The following GEMIN8 variants were observed in gnomAD, a reference collection of about 807,000 sequenced individuals.
GEMIN8 encodes the protein gem-associated protein 8.
For synonymous variants in GEMIN8, 80 were observed against 78.5 expected (o/e 1.02, Z -0.10); for missense variants, 185 against 205.9 (o/e 0.90, Z 0.62).
intron 2 of GEMIN8, chrX:14,025,938 G>T: frequency 3.1e-6 from 1 of 321,145 alleles, no homozygotes; most frequent in Non-Finnish European, 4.1e-6. Flanking sequence ...TTTTAAGCTG[G>T]TTATTTTCTT....
At chrX:14,012,404 G>A (rs1413192371) in intron 4 of GEMIN8, among the ~76,000 whole-genome samples, 1 of 110,671 alleles carries the variant, frequency 9.0e-6, no homozygotes, top group Admixed American at 9.6e-5. Context: ...AATTACAGGC[G>A]TAAAGCCACC....
the GEMIN8 span, among the ~76,000 whole-genome samples, chrX:13,987,748 G>A: frequency 8.9e-6 from 1 of 112,012 alleles, no homozygotes; most frequent in Admixed American, 9.5e-5. Flanking sequence ...GGCCCATGTT[G>A]TAGAAGGCTT....
At chrX:13,988,872 A>C in the GEMIN8 span, 1 of 106,162 alleles carries the variant, frequency 9.4e-6, no homozygotes, top group Non-Finnish European at 1.9e-5. Flanking sequence ...TCAAAGTTGG[A>C]AAATGTTCAA....
rs911192397 is a variant in GEMIN8 at position 14,008,645 on chromosome X, G to A, written c.*268C>T. 1 of 371,238 alleles carries A rather than the reference G, an allele frequency of 2.7e-6. No homozygotes were observed. Among genetic ancestry groups the A allele is most frequent in the Non-Finnish European group, 4.6e-6 (1 of 215,133 alleles). The allele number at this position is 371,238 out of a possible 1,213,427, so 30.6% of individuals were successfully genotyped here. ...GGCAAGAACGTTAATGAATTGAACT[G>A]TTACCAACAACATAAAAAACCAGTA... On this transcript the variant is annotated 3_prime_UTR_variant, in exon 5 of 5. Coordinates refer to ENST00000680255, the MANE Select transcript of GEMIN8 (RefSeq NM_001042479.2).
the GEMIN8 span, among the ~76,000 whole-genome samples, chrX:14,001,581 C>T: frequency 2.7e-5 from 3 of 111,295 alleles, no homozygotes; most frequent in Admixed American, 9.4e-5. Context: ...AGTGCAGTGG[C>T]GCAATCTGGG....
the GEMIN8 span, among the ~76,000 whole-genome samples, chrX:13,992,044 T>TGA: frequency 8.9e-6 from 1 of 112,660 alleles, no homozygotes; most frequent in South Asian, 3.7e-4. Flanking sequence ...ACTCGTCTAC[T>TGA]GGCCATGAAG....
At chrX:14,026,095 C>A in intron 2 of GEMIN8, 45 bp downstream of exon 2, 1 of 745,692 alleles carries the variant, frequency 1.3e-6, no homozygotes. Flanking sequence ...GATTTAGATG[C>A]CCTTTGGTCT....
At chrX:14,017,914 C>T (rs1924042333) in intron 4 of GEMIN8, among the ~76,000 whole-genome samples, 1 of 111,993 alleles carries the variant, frequency 8.9e-6, no homozygotes, top group Admixed American at 9.5e-5. Context: ...TACAATTCAA[C>T]CCAGATGATG....
At chrX:14,001,833 C>T (rs1922981905), downstream of GEMIN8, among the ~76,000 whole-genome samples, 1 of 103,909 alleles carries the variant, frequency 9.6e-6, no homozygotes, top group South Asian at 5.2e-4. Context: ...TCTTAAAAGT[C>T]CATTTGTGGC....
intron 4 of GEMIN8, among the ~76,000 whole-genome samples, chrX:14,017,687 G>T (rs1309527611): frequency 8.9e-6 from 1 of 111,920 alleles, no homozygotes; most frequent in Admixed American, 9.5e-5. Flanking sequence ...GGATTGTGGC[G>T]ACATAATGTC....
At chrX:14,017,123 T>G (rs1603195744) in intron 4 of GEMIN8, among the ~76,000 whole-genome samples, 2 of 109,197 alleles carry the variant, frequency 1.8e-5, no homozygotes, top group South Asian at 7.9e-4. Context: ...ACCCACTAAT[T>G]AGGATCCTAT....
chrX:14,007,051 T>C lies in GEMIN8; in HGVS notation c.*1862A>G, dbSNP rs1569345532. ...CACAGTTATTTTATAGTTAGGCATA[T>C]GAATTTAAAATGAAAGGGAGAAATA... On this transcript the variant is annotated 3_prime_UTR_variant, in exon 5 of 5. Transcript: ENST00000680255. Among the ~76,000 whole-genome samples the C allele has an allele frequency of 1.8e-5, 2 of 112,460 alleles. No homozygotes were observed. Among genetic ancestry groups the C allele is most frequent in the Non-Finnish European group, 3.7e-5 (2 of 53,357 alleles).
chrX:14,002,473 T>C (rs1923011107), downstream of GEMIN8, among the ~76,000 whole-genome samples: 2 of 111,188 alleles, frequency 1.8e-5, no homozygotes, highest in African/African-American at 6.5e-5. Flanking sequence ...GAAACATCTA[T>C]ATTTTTATTT....
chrX:14,017,745 G>A (rs1448361461), intron 4 of GEMIN8, among the ~76,000 whole-genome samples: 1 of 111,880 alleles, frequency 8.9e-6, no homozygotes, highest in Admixed American at 9.4e-5. Context: ...CTCTGTGTCC[G>A]GATTTTGCCC....
the GEMIN8 span, among the ~76,000 whole-genome samples, chrX:13,993,665 C>T: frequency 9.1e-6 from 1 of 110,256 alleles, no homozygotes; most frequent in East Asian, 2.9e-4. Context: ...CTCTAGCAAT[C>T]CTCCCACTTC....
At chrX:14,027,480 G>A (rs1033081552) in intron 1 of GEMIN8, among the ~76,000 whole-genome samples, 2 of 112,573 alleles carry the variant, frequency 1.8e-5, no homozygotes, top group African/African-American at 6.5e-5. Context: ...GCATCTCCCC[G>A]TCTATAATAG....
chrX:13,985,206 C>T, the GEMIN8 span, among the ~76,000 whole-genome samples: 5 of 111,495 alleles, frequency 4.5e-5, no homozygotes, highest in Non-Finnish European at 9.4e-5. Flanking sequence ...AATTTGCCTG[C>T]CCACTTAAAG....
the GEMIN8 span, among the ~76,000 whole-genome samples, chrX:13,991,482 T>C: frequency 1.8e-5 from 2 of 111,692 alleles, no homozygotes; most frequent in Non-Finnish European, 3.8e-5. Flanking sequence ...TTGACTTGTG[T>C]CATTTTTGAA....
chrX:13,986,300 T>C, the GEMIN8 span, among the ~76,000 whole-genome samples: 3 of 112,686 alleles, frequency 2.7e-5, no homozygotes, highest in East Asian at 8.4e-4. Flanking sequence ...TTTCTCATAG[T>C]ATGGCTGGTG....
Sources: gnomAD v4.1 joint callset for allele counts (sites outside exome capture counted in the v4.1 genomes callset) on GRCh38, gnomAD v4.1.1 for gene constraint, MANE v1.5 for transcripts, NCBI Gene and HGNC (gene_info 2026-07-23, HGNC 2026-07-21) for gene names.